The following MACROD2 variants were observed in gnomAD, a reference collection of about 807,000 sequenced individuals.
MACROD2 encodes ADP-ribose glycohydrolase MACROD2.
Under a neutral mutation model 70.4 loss-of-function variants are expected in MACROD2, and 36 were observed. The ratio of observed to expected loss-of-function variants is 0.51; its 90% CI spans 0.39 to 0.68. The LOEUF (loss-of-function observed/expected upper bound fraction) is 0.68, where lower values mean the gene tolerates loss of function less well. Ranked by LOEUF, MACROD2 falls within the 30% of genes least tolerant of loss-of-function variation. The pLI, the probability that MACROD2 is intolerant of heterozygous loss-of-function variation, is 0.00. For synonymous variants in MACROD2, 172 were observed against 178.8 expected (o/e 0.96, Z 0.30); for missense variants, 496 against 538.4 (o/e 0.92, Z 0.78).
chr20:14,298,278 A>AT (rs1240539383), intron 3 of MACROD2, among the ~76,000 whole-genome samples: 2 of 151,648 alleles, frequency 1.3e-5, no homozygotes, highest in Admixed American at 6.6e-5. Flanking sequence ...TAAGAAGTGC[A>AT]TTTTTCTGGC....
intron 6 of MACROD2, among the ~76,000 whole-genome samples, chr20:15,285,300 A>G (rs1007779478): frequency 6.6e-6 from 1 of 152,218 alleles, no homozygotes; most frequent in East Asian, 1.9e-4. Context: ...CTGGTAGAAG[A>G]GATAACCTCA....
chr20:15,587,885 T>C (rs1464082546), intron 8 of MACROD2, among the ~76,000 whole-genome samples: 2 of 152,170 alleles, frequency 1.3e-5, no homozygotes, highest in Non-Finnish European at 1.5e-5. Flanking sequence ...TCCAAGCACA[T>C]GGTGAAAGCT....
intron 8 of MACROD2, among the ~76,000 whole-genome samples, chr20:15,665,809 C>G (rs764533060): frequency 2.0e-5 from 3 of 152,176 alleles, no homozygotes; most frequent in Non-Finnish European, 2.9e-5. Context: ...ATTCTCTAAG[C>G]ATCCCCACTT....
chr20:15,535,687 C>A (rs1199413035), intron 8 of MACROD2, among the ~76,000 whole-genome samples: 1 of 152,130 alleles, frequency 6.6e-6, no homozygotes, highest in East Asian at 1.9e-4. Flanking sequence ...GGTGGTACTG[C>A]CATTTCCTGA....
intron 2 of MACROD2, among the ~76,000 whole-genome samples, chr20:14,057,571 T>C (rs2053644995): frequency 6.6e-6 from 1 of 152,158 alleles, no homozygotes; most frequent in Non-Finnish European, 1.5e-5. Flanking sequence ...GCACCTCTCT[T>C]TTTGCTGCTG....
At chr20:15,892,945 G>C in intron 10 of MACROD2, 1 of 398,788 alleles carries the variant, frequency 2.5e-6, no homozygotes, top group Non-Finnish European at 4.4e-6. Flanking sequence ...GAGCCAAAAG[G>C]CCTCTCTCCA....
chr20:14,478,812 A>ACGCCCTG (rs2084628076), intron 3 of MACROD2, among the ~76,000 whole-genome samples: 2 of 152,148 alleles, frequency 1.3e-5, no homozygotes, highest in South Asian at 4.1e-4. Context: ...AGTTCTAAGG[A>ACGCCCTG]CAATTTAATT....
chr20:15,152,427 G>C (rs1304280576), intron 5 of MACROD2, among the ~76,000 whole-genome samples: 1 of 139,380 alleles, frequency 7.2e-6, no homozygotes, highest in Non-Finnish European at 1.6e-5. Flanking sequence ...GGAAATAAGG[G>C]GTTGGGGCAC....
At chr20:14,529,080 G>A (rs912697754) in intron 4 of MACROD2, among the ~76,000 whole-genome samples, 3 of 152,118 alleles carry the variant, frequency 2.0e-5, no homozygotes, top group African/African-American at 7.2e-5. Flanking sequence ...ACGAGATTGG[G>A]TTGTGATCTA....
intron 5 of MACROD2, among the ~76,000 whole-genome samples, chr20:14,690,223 A>C (rs1187483797): frequency 6.6e-6 from 1 of 152,102 alleles, no homozygotes; most frequent in African/African-American, 2.4e-5. Flanking sequence ...GAAAAATATT[A>C]AACTTGTGTA....
chr20:15,329,236 G>T (rs1427716067), intron 6 of MACROD2, among the ~76,000 whole-genome samples: 1 of 152,010 alleles, frequency 6.6e-6, no homozygotes, highest in Non-Finnish European at 1.5e-5. Context: ...TAATGAAAAA[G>T]CTTAGAGACA....
intron 3 of MACROD2, among the ~76,000 whole-genome samples, chr20:14,313,770 A>G (rs1209874831): frequency 6.6e-6 from 1 of 152,232 alleles, no homozygotes; most frequent in Non-Finnish European, 1.5e-5. Context: ...TAGACTATGA[A>G]ATAAGAATGT....
At chr20:15,746,562 T>TAAA (rs536288457) in intron 8 of MACROD2, among the ~76,000 whole-genome samples, 1,627 of 107,044 alleles carry the variant, frequency 0.015, 40 homozygotes, top group East Asian at 0.049. Flanking sequence ...TGGTTTCCAG[T>TAAA]AAAAAAAAAA....
At chr20:14,494,919 A>G (rs1435987964) in intron 4 of MACROD2, among the ~76,000 whole-genome samples, 1 of 152,064 alleles carries the variant, frequency 6.6e-6, no homozygotes, top group South Asian at 2.1e-4. Context: ...CATAGTGCTG[A>G]TTTTCTTACA....
chr20:15,534,749 T>C (rs1022042916), intron 8 of MACROD2, among the ~76,000 whole-genome samples: 1 of 152,128 alleles, frequency 6.6e-6, no homozygotes, highest in African/African-American at 2.4e-5. Flanking sequence ...TGCAAGGTAG[T>C]GTGGAGTAAA....
chr20:14,109,935 A>C (rs1300932549), intron 3 of MACROD2, among the ~76,000 whole-genome samples: 6 of 151,904 alleles, frequency 3.9e-5, no homozygotes, highest in African/African-American at 1.4e-4. Context: ...AAACACAAGT[A>C]CAGGCCAATA....
chr20:15,468,894 CA>C (rs2046929860), intron 7 of MACROD2, among the ~76,000 whole-genome samples: 1 of 152,146 alleles, frequency 6.6e-6, no homozygotes, highest in Non-Finnish European at 1.5e-5. Context: ...GAAAAATATT[CA>C]AGACCCAAAG....
At chr20:14,961,846 C>T (rs1290689532) in intron 5 of MACROD2, among the ~76,000 whole-genome samples, 2 of 152,190 alleles carry the variant, frequency 1.3e-5, no homozygotes, top group Non-Finnish European at 2.9e-5. Context: ...ACACCTCTCT[C>T]ATCCCACTCC....
At chr20:15,129,360 G>A (rs1212410704) in intron 5 of MACROD2, among the ~76,000 whole-genome samples, 1 of 151,890 alleles carries the variant, frequency 6.6e-6, no homozygotes, top group Non-Finnish European at 1.5e-5. Flanking sequence ...CCATTTCAGT[G>A]GTATAACTAA....
Sources: allele counts gnomAD v4.1 joint callset (sites outside exome capture counted in the v4.1 genomes callset), GRCh38; gene constraint gnomAD v4.1.1; transcripts MANE v1.5; gene names NCBI Gene and HGNC (gene_info 2026-07-23, HGNC 2026-07-21).